EPHA6: variants seen among roughly 807,000 people sequenced by gnomAD.
EPHA6 encodes EPH receptor A6.
EPHA6 carries 50 observed loss-of-function variants against 112.0 expected under a neutral mutation model. The observed-to-expected ratio is 0.45, with a 90% confidence interval of 0.36 to 0.56. The LOEUF (loss-of-function observed/expected upper bound fraction) is 0.56. Among genes scored for constraint, EPHA6 ranks in the 20% least tolerant of loss-of-function variants. The pLI, the probability that EPHA6 is intolerant of heterozygous loss-of-function variation, is 0.00. For synonymous variants in EPHA6, 529 were observed against 490.7 expected (o/e 1.08, Z -1.03); for missense variants, 1,280 against 1,417.4 (o/e 0.90, Z 1.56).
intron 3 of EPHA6, among the ~76,000 whole-genome samples, chr3:97,139,413 A>G (rs538925878): frequency 6.6e-6 from 1 of 152,230 alleles, no homozygotes; most frequent in South Asian, 2.1e-4. Flanking sequence ...GCACAACCCA[A>G]TATAATTCCT....
intron 7 of EPHA6, among the ~76,000 whole-genome samples, chr3:97,473,553 CT>C (rs2091287671): frequency 6.6e-6 from 1 of 151,808 alleles, no homozygotes; most frequent in African/African-American, 2.4e-5. Context: ...CTATATGCCC[CT>C]GATTCAAAAT....
chr3:96,932,351 T>C (rs2040368860), intron 2 of EPHA6, among the ~76,000 whole-genome samples: 1 of 152,244 alleles, frequency 6.6e-6, no homozygotes, highest in Non-Finnish European at 1.5e-5. Flanking sequence ...GTTTATCCTT[T>C]ACTCTTTTGG....
chr3:97,607,819 C>A (rs1408649019), intron 12 of EPHA6, among the ~76,000 whole-genome samples: 1 of 151,154 alleles, frequency 6.6e-6, no homozygotes, highest in Non-Finnish European at 1.5e-5. Flanking sequence ...TAATAAATTA[C>A]TTCCCAATAT....
At chr3:96,993,867 T>G (rs1018164594) in intron 3 of EPHA6, among the ~76,000 whole-genome samples, 2 of 152,214 alleles carry the variant, frequency 1.3e-5, no homozygotes, top group Non-Finnish European at 2.9e-5. Context: ...TGAATGAATT[T>G]GAGACCTCTT....
chr3:97,267,961 A>C (rs1433113104), intron 5 of EPHA6, among the ~76,000 whole-genome samples: 1 of 152,194 alleles, frequency 6.6e-6, no homozygotes, highest in Non-Finnish European at 1.5e-5. Flanking sequence ...GAATAAAAAA[A>C]GAGTTTATTT....
chr3:97,218,467 T>C (rs753204555), intron 3 of EPHA6, among the ~76,000 whole-genome samples: 1 of 152,094 alleles, frequency 6.6e-6, no homozygotes, highest in South Asian at 2.1e-4. Context: ...AGGCACCTTT[T>C]TCACAAGACA....
intron 3 of EPHA6, among the ~76,000 whole-genome samples, chr3:97,218,279 A>T (rs1242986418): frequency 6.6e-6 from 1 of 152,124 alleles, no homozygotes; most frequent in Non-Finnish European, 1.5e-5. Context: ...TTAAAAAAAA[A>T]AAATGTAAAA....
Position 96,828,654 on chromosome 3 carries a change from A to G in EPHA6, c.385+13646A>G, listed in dbSNP as rs1430056094. On this transcript the variant is annotated intron_variant, in intron 1 of 17. Transcript: ENST00000389672. ...TCTGGCCAGATTAAAATGGGGAAGT[A>G]TTTTAGCAAAAGTGAAAGAGATAGG... Among the ~76,000 whole-genome samples the G allele has an allele frequency of 5.3e-5, 8 of 152,132 alleles. No individual in the cohort carries two copies. In the East Asian group the frequency reaches 1.3e-3, roughly 26 times the overall value.
chr3:97,088,844 G>A (rs909834322), intron 3 of EPHA6, among the ~76,000 whole-genome samples: 3 of 152,030 alleles, frequency 2.0e-5, no homozygotes, highest in Non-Finnish European at 2.9e-5. Context: ...TGGCTTTATT[G>A]CTCAACATTC....
chr3:96,936,878 C>A (rs112971187), intron 2 of EPHA6, among the ~76,000 whole-genome samples: 1 of 152,042 alleles, frequency 6.6e-6, no homozygotes, highest in Non-Finnish European at 1.5e-5. Context: ...TTTGTCCTTG[C>A]GATAGTTTGC....
intron 2 of EPHA6, among the ~76,000 whole-genome samples, chr3:96,871,487 C>G (rs1415792606): frequency 6.6e-6 from 1 of 151,898 alleles, no homozygotes; most frequent in African/African-American, 2.4e-5. Flanking sequence ...TTTCCAGAAT[C>G]ATGTTTTATC....
Position 97,336,275 on chromosome 3 carries a change from T to C in EPHA6, c.1607-68875T>C, listed in dbSNP as rs540233033. ...TTCCTCCCAAAGTTAGTTTGGCCTA[T>C]GCCTAGGAAAGAACAAGGACAGCTT... On this transcript the variant is annotated intron_variant, in intron 5 of 17. Transcript: ENST00000389672. 1.1e-4 allele frequency among the ~76,000 whole-genome samples: 17 copies of C among 152,274 alleles called. No individual in the cohort carries two copies. The South Asian group carries it at 2.9e-3, about 26-fold the overall frequency.
chr3:97,208,822 T>G (rs1252277426), intron 3 of EPHA6, among the ~76,000 whole-genome samples: 2 of 152,082 alleles, frequency 1.3e-5, no homozygotes, highest in Non-Finnish European at 2.9e-5. Context: ...CAACCAATGG[T>G]TCAATGATAC....
chr3:97,009,340 C>A (rs1182665793), intron 3 of EPHA6, among the ~76,000 whole-genome samples: 4 of 152,180 alleles, frequency 2.6e-5, no homozygotes, highest in African/African-American at 9.6e-5. Context: ...GGAAGTCCTG[C>A]CCACTGAGGA....
intron 2 of EPHA6, among the ~76,000 whole-genome samples, chr3:96,878,009 T>C (rs2037079952): frequency 6.6e-6 from 1 of 151,496 alleles, no homozygotes; most frequent in South Asian, 2.1e-4. Context: ...CCTCTTAATT[T>C]AGAGAGTTTG....
chr3:96,853,357 A>G (rs1156545780), intron 1 of EPHA6, among the ~76,000 whole-genome samples: 1 of 152,042 alleles, frequency 6.6e-6, no homozygotes, highest in East Asian at 1.9e-4. Context: ...AATCAGTGGG[A>G]TCCCTATATT....
chr3:96,958,846 T>C (rs2041857920), intron 2 of EPHA6, among the ~76,000 whole-genome samples: 1 of 152,210 alleles, frequency 6.6e-6, no homozygotes, highest in Non-Finnish European at 1.5e-5. Context: ...TATTGTTTAG[T>C]ATTCCTTTTT....
intron 13 of EPHA6, among the ~76,000 whole-genome samples, chr3:97,636,657 G>A (rs991862596): frequency 6.6e-6 from 1 of 152,062 alleles, no homozygotes; most frequent in Non-Finnish European, 1.5e-5. Context: ...AATCATCATT[G>A]TATAAGAGAC....
At chr3:97,680,981 C>T (rs1439860603) in intron 14 of EPHA6, among the ~76,000 whole-genome samples, 1 of 151,924 alleles carries the variant, frequency 6.6e-6, no homozygotes, top group Non-Finnish European at 1.5e-5. Context: ...AAATTAACAT[C>T]AGGGTTAACA....
Sources: gnomAD v4.1 joint callset for allele counts (sites outside exome capture counted in the v4.1 genomes callset) on GRCh38, gnomAD v4.1.1 for gene constraint, MANE v1.5 for transcripts, NCBI Gene and HGNC (gene_info 2026-07-23, HGNC 2026-07-21) for gene names.